Variants in FAM135A observed in about 807,000 individuals in gnomAD.
FAM135A encodes the protein protein FAM135A.
In FAM135A, 79 loss-of-function variants were observed where a neutral mutation model predicts 146.8. The observed-to-expected ratio is 0.54, with a 90% CI of 0.45 to 0.65. The LOEUF (loss-of-function observed/expected upper bound fraction) is 0.65. FAM135A is among the 30% of genes least tolerant of loss of function. FAM135A has a pLI of 0.00. For synonymous variants in FAM135A, 562 were observed against 603.6 expected (o/e 0.93, Z 1.01); for missense variants, 1,623 against 1,758.2 (o/e 0.92, Z 1.38).
At chr6:70,504,956 A>G (rs1318153262) in intron 12 of FAM135A, 1 of 151,242 alleles carries the variant, frequency 6.6e-6, no homozygotes, top group Non-Finnish European at 1.5e-5. Context: ...GTCAAACTCC[A>G]TCTCAAAAAA....
chr6:70,466,611 G>C (rs931793552), intron 5 of FAM135A, among the ~76,000 whole-genome samples: 2 of 152,142 alleles, frequency 1.3e-5, no homozygotes, highest in Non-Finnish European at 2.9e-5. Context: ...CCACTTTCAG[G>C]GCTTCTGGCA....
intron 12 of FAM135A, among the ~76,000 whole-genome samples, chr6:70,511,454 A>G (rs192975735): frequency 1.3e-5 from 2 of 152,102 alleles, no homozygotes; most frequent in Admixed American, 1.3e-4. Flanking sequence ...TACTTATTAC[A>G]TGCAATGGAA....
intron 5 of FAM135A, among the ~76,000 whole-genome samples, chr6:70,458,617 T>C (rs866570455): frequency 6.6e-6 from 1 of 152,182 alleles, no homozygotes; most frequent in Non-Finnish European, 1.5e-5. Flanking sequence ...TCTGGTAAAG[T>C]ATCAAGTATT....
intron 2 of FAM135A, among the ~76,000 whole-genome samples, chr6:70,423,953 A>G (rs1436663320): frequency 1.3e-5 from 2 of 152,198 alleles, no homozygotes; most frequent in South Asian, 2.1e-4. Flanking sequence ...CATACCCAAC[A>G]TATTATAGTG....
At chr6:70,521,888 A>G (rs1793663312) in intron 12 of FAM135A, among the ~76,000 whole-genome samples, 1 of 152,170 alleles carries the variant, frequency 6.6e-6, no homozygotes, top group Non-Finnish European at 1.5e-5. Context: ...GGGGATGCAA[A>G]GGTCATCAAA....
chr6:70,523,922 T>C (rs1359245754), intron 13 of FAM135A, 45 bp from the exon 14 acceptor site: 1 of 1,576,026 alleles, frequency 6.3e-7, no homozygotes, highest in South Asian at 1.2e-5. Context: ...GGGAGTTGGG[T>C]ATAATTTTTC....
intron 4 of FAM135A, among the ~76,000 whole-genome samples, chr6:70,435,976 G>A (rs934036534): frequency 1.1e-4 from 17 of 152,140 alleles, no homozygotes; most frequent in Non-Finnish European, 1.9e-4. Context: ...CTGAGGTCAG[G>A]AGTTCGAGAC....
intron 12 of FAM135A, chr6:70,513,478 C>T (rs908085802): frequency 6.6e-6 from 1 of 150,532 alleles, no homozygotes; most frequent in Non-Finnish European, 1.5e-5. Flanking sequence ...CCTCCTTAAC[C>T]ATATTGATTC....
At chr6:70,427,944 A>T (rs984756952) in intron 3 of FAM135A, among the ~76,000 whole-genome samples, 1 of 152,334 alleles carries the variant, frequency 6.6e-6, no homozygotes, top group South Asian at 2.1e-4. Context: ...TGTGCAATGT[A>T]GCACAAGAAG....
intron 16 of FAM135A, 49 bp downstream of exon 16, chr6:70,528,501 TC>T: frequency 1.4e-6 from 2 of 1,389,418 alleles, no homozygotes; most frequent in Non-Finnish European, 1.9e-6. Flanking sequence ...TATATTTTTT[TC>T]CTAATAGATC....
intron 18 of FAM135A, among the ~76,000 whole-genome samples, chr6:70,534,999 C>A (rs544376374): frequency 5.5e-4 from 84 of 152,246 alleles, no homozygotes; most frequent in South Asian, 4.4e-3. Flanking sequence ...ATCTTAAAAT[C>A]TTGTTAGCTT....
chr6:70,414,050 G>T, intron 1 of FAM135A: 1 of 985,692 alleles, frequency 1.0e-6, no homozygotes, highest in Non-Finnish European at 1.2e-6. Flanking sequence ...TCGTCGCTCT[G>T]TCCCTCCTTT....
intron 4 of FAM135A, among the ~76,000 whole-genome samples, chr6:70,432,037 AT>A (rs1301489613): frequency 6.6e-6 from 1 of 152,122 alleles, no homozygotes; most frequent in African/African-American, 2.4e-5. Flanking sequence ...ACTTTGCTTA[AT>A]AAAATCATGT....
intron 10 of FAM135A, among the ~76,000 whole-genome samples, chr6:70,486,993 G>A (rs993183555): frequency 6.7e-4 from 94 of 140,044 alleles, no homozygotes; most frequent in African/African-American, 2.5e-3. Context: ...TGAGGCAGGA[G>A]AATTGCTTGA....
chr6:70,556,725 A>G lies in FAM135A; in HGVS notation c.4229-25A>G, dbSNP rs1208473. On this transcript the variant is annotated intron_variant, in intron 20 of 21. Coordinates refer to ENST00000418814, the MANE Select transcript of FAM135A (RefSeq NM_001162529.3). Reference sequence around the variant, plus strand: ...TTAAAATCTAGTTAACTACTGCATTATAATTTATTATATTCTATTCACAGG... The same window carrying G: ...TTAAAATCTAGTTAACTACTGCATTGTAATTTATTATATTCTATTCACAGG... The G allele has an allele frequency of 1.4e-3, 2,035 of 1,455,272 alleles. 18 individuals are homozygous for G. The African/African-American group carries it at 0.026, about 19-fold the overall frequency. The allele number at this position is 1,455,272 out of a possible 1,614,324, so 90.1% of individuals were successfully genotyped here.
chr6:70,525,081 C>G lies in FAM135A; in HGVS notation c.1997C>G (p.Pro666Arg), dbSNP rs1794404406. ...GAAATAAAGCCCAGTAATAAAGATC[C>G]TTTCAGTGGAGAGAATATAACTGTC... ...TIEIKPSNKD[P>R]FSGENITVKL... The change falls in exon 15 of 22, where the codon CCT becomes CGT. Residue 666 changes from proline to arginine, a missense_variant. Coordinates refer to ENST00000418814, the MANE Select transcript of FAM135A (RefSeq NM_001162529.3). The G allele has an allele frequency of 1.9e-6, 3 of 1,575,004 alleles. No homozygotes were observed. The highest frequency in any genetic ancestry group is 2.6e-6 in the Non-Finnish European group (3 of 1,166,456).
intron 5 of FAM135A, among the ~76,000 whole-genome samples, chr6:70,465,794 A>G (rs1780355739): frequency 1.3e-5 from 2 of 152,186 alleles, no homozygotes; most frequent in African/African-American, 4.8e-5. Context: ...CTCCACATCC[A>G]TAAGTGCTGA....
chr6:70,429,665 T>C (rs554975675), intron 4 of FAM135A, among the ~76,000 whole-genome samples: 61 of 152,320 alleles, frequency 4.0e-4, no homozygotes, highest in African/African-American at 1.4e-3. Flanking sequence ...ACTAGGGATT[T>C]GGGTAACCAT....
At chr6:70,552,577 TC>T (rs1468350654) in intron 20 of FAM135A, among the ~76,000 whole-genome samples, 3 of 151,254 alleles carry the variant, frequency 2.0e-5, no homozygotes, top group African/African-American at 7.3e-5. Context: ...CAAGCGATTT[TC>T]CTGCCTCAGC....
Sources: gnomAD v4.1 joint callset for allele counts (sites outside exome capture counted in the v4.1 genomes callset) on GRCh38, gnomAD v4.1.1 for gene constraint, MANE v1.5 for transcripts, NCBI Gene and HGNC (gene_info 2026-07-23, HGNC 2026-07-21) for gene names.